KCNQ1: variants seen among roughly 807,000 people sequenced by gnomAD.
KCNQ1 encodes the protein potassium voltage-gated channel subfamily Q member 1.
In KCNQ1, 49 loss-of-function variants were observed where a neutral mutation model predicts 72.4. The ratio of observed to expected loss-of-function variants is 0.68; its 90% CI spans 0.54 to 0.86. The LOEUF is 0.86. Ranked by LOEUF, KCNQ1 falls within the 40% of genes least tolerant of loss-of-function variation. KCNQ1 has a pLI of 0.00. For missense variants in KCNQ1, 790 were observed against 945.1 expected (o/e 0.84, Z 2.15); for synonymous variants, 450 against 412.6 (o/e 1.09, Z -1.10).
Position 2,612,815 on chromosome 11 carries a change from G to C in KCNQ1, c.1393+23961G>C. The C allele has an allele frequency of 2.5e-6, 1 of 398,034 alleles. No homozygotes were observed. Among genetic ancestry groups the C allele is most frequent in the Non-Finnish European group, 4.4e-6 (1 of 225,914 alleles). 24.7% of individuals were successfully genotyped at this position (398,034 alleles called of 1,614,324 possible). Reference sequence around the variant, plus strand: ...TTTCTTTGCATATCTCATTTTTTTTGTTAAAAACTTACTTTAGATAATATA... The same window carrying C: ...TTTCTTTGCATATCTCATTTTTTTTCTTAAAAACTTACTTTAGATAATATA... On this transcript the variant is annotated intron_variant, in intron 10 of 15. Coordinates refer to ENST00000155840, the MANE Select transcript of KCNQ1 (RefSeq NM_000218.3). This position sits in a 1 kb window ranked among gnomAD's most constrained non-coding sequence, Gnocchi z 5.5.
rs1335634626 is a variant in KCNQ1 at position 2,475,087 on chromosome 11, CT to C, written c.386+29606del. ...TCGCAGTGCTAGGCGTCCGACACGT[CT>C]TTCTAATTCCTGAACATTTCCATCA... On this transcript the variant is annotated intron_variant, in intron 1 of 15. Coordinates refer to ENST00000155840, the MANE Select transcript of KCNQ1 (RefSeq NM_000218.3). The surrounding 1 kb of genome is among the most constrained non-coding windows in gnomAD (Gnocchi z 5.8). Among the ~76,000 whole-genome samples, 19 of 152,316 alleles carry C rather than the reference CT, an allele frequency of 1.2e-4. No homozygotes were observed. The East Asian group carries it at 1.7e-3, about 14-fold the overall frequency.
intron 11 of KCNQ1, chr11:2,667,722 C>T (rs1444968807): frequency 1.3e-5 from 5 of 398,608 alleles, no homozygotes; most frequent in South Asian, 1.3e-4. Context: ...AAGCCGTGTC[C>T]CCTTAAGTGA....
chr11:2,550,697 C>T lies in KCNQ1; in HGVS notation c.478-19931C>T, dbSNP rs927552468. On this transcript the variant is annotated intron_variant, in intron 2 of 15. Coordinates refer to ENST00000155840, the MANE Select transcript of KCNQ1 (RefSeq NM_000218.3). This position sits in a 1 kb window ranked among gnomAD's most constrained non-coding sequence, Gnocchi z 6.0. Reference sequence around the variant, plus strand: ...GATGGTGTCCCGGCTGATGTAGGGTCAGGGGCTTCTGGAAGGAGCCTCACA... The same window carrying T: ...GATGGTGTCCCGGCTGATGTAGGGTTAGGGGCTTCTGGAAGGAGCCTCACA... Among the ~76,000 whole-genome samples the T allele has an allele frequency of 2.1e-4, 32 of 152,152 alleles. No individual in the cohort carries two copies. Among genetic ancestry groups the T allele is most frequent in the African/African-American group, 7.7e-4 (32 of 41,414 alleles).
At chr11:2,589,943 C>T (rs754790097) in intron 10 of KCNQ1, among the ~76,000 whole-genome samples, 1 of 152,168 alleles carries the variant, frequency 6.6e-6, no homozygotes, top group Non-Finnish European at 1.5e-5. Context: ...TGGAGACCTC[C>T]TGCCCACTGG....
At chr11:2,551,986 T>TATAAAAA (rs1847989674) in intron 2 of KCNQ1, among the ~76,000 whole-genome samples, 1 of 152,246 alleles carries the variant, frequency 6.6e-6, no homozygotes, top group Non-Finnish European at 1.5e-5. Context: ...GTTCTGGATA[T>TATAAAAA]GAGTCCTTCA....
chr11:2,812,198 C>A (rs533439378), intron 15 of KCNQ1, among the ~76,000 whole-genome samples: 1 of 152,318 alleles, frequency 6.6e-6, no homozygotes, highest in Non-Finnish European at 1.5e-5. Flanking sequence ...ACAGAAACAC[C>A]CCTGAAACTT....
At position 2,445,443 on chromosome 11, in the gene KCNQ1, G is replaced by A. The variant is rs758960211; in HGVS notation, c.345G>A (p.Glu115=). 5.1e-5 allele frequency: 81 copies of A among 1,597,364 alleles called. No homozygotes were observed. The highest frequency in any genetic ancestry group is 6.6e-5 in the Non-Finnish European group (78 of 1,179,628). The part of the protein sequence containing the change: ...HVQGRVYNFL[E]RPTGWKCFVY... The stretch of plus-strand genomic sequence containing the variant: ...AGGGCCGCGTCTACAACTTCCTCGA[G>A]CGTCCCACCGGCTGGAAATGCTTCG... The change falls in exon 1 of 16, where the codon GAG becomes GAA. Residue 115 remains glutamate (E), a synonymous_variant. Coordinates refer to ENST00000155840, the MANE Select transcript of KCNQ1 (RefSeq NM_000218.3).
chr11:2,722,759 T>G (rs1448028246), intron 11 of KCNQ1, among the ~76,000 whole-genome samples: 1 of 152,080 alleles, frequency 6.6e-6, no homozygotes, highest in African/African-American at 2.4e-5. Context: ...AAGCTGCCCC[T>G]AGATAGCTGT....
At chr11:2,631,271 C>A (rs1849348441) in intron 10 of KCNQ1, 2 of 398,478 alleles carry the variant, frequency 5.0e-6, no homozygotes. Context: ...TCCCTTGTTA[C>A]CTTTTCATTC....
Position 2,642,211 on chromosome 11 carries a change from T to G in KCNQ1, c.1394-19750T>G. On this transcript the variant is annotated intron_variant, in intron 10 of 15. Transcript: ENST00000155840. The surrounding 1 kb of genome is among the most constrained non-coding windows in gnomAD (Gnocchi z 4.3). ...TGAATCTGTAGATTGCTTTGGGTAG[T>G]ATGGTCATTTTAATTTTGTTAATTC... 1 of 398,472 alleles carries G rather than the reference T, an allele frequency of 2.5e-6. No individual in the cohort carries two copies. Among genetic ancestry groups the G allele is most frequent in the Non-Finnish European group, 4.4e-6 (1 of 225,976 alleles). 24.7% of individuals were successfully genotyped at this position (398,472 alleles called of 1,614,324 possible). A position where few individuals can be genotyped will look rare whatever the true frequency, so the allele number is the denominator to read the frequency against.
chr11:2,829,263 A>C (rs1413253434), intron 15 of KCNQ1, among the ~76,000 whole-genome samples: 1 of 152,228 alleles, frequency 6.6e-6, no homozygotes, highest in Non-Finnish European at 1.5e-5. Context: ...GCTGCTCAGC[A>C]TGCCTACAGT....
Position 2,809,267 on chromosome 11 carries a change from A to G in KCNQ1, c.1794+31230A>G, listed in dbSNP as rs1847439679. ...AATTCAGATAAATGTTTCTTCACCA[A>G]AAGAGAAATTCATTTCTAAATGTCA... On this transcript the variant is annotated intron_variant, in intron 15 of 15. Coordinates refer to ENST00000155840, the MANE Select transcript of KCNQ1 (RefSeq NM_000218.3). This position sits in a 1 kb window ranked among gnomAD's most constrained non-coding sequence, Gnocchi z 7.1. Among the ~76,000 whole-genome samples, 1 of 152,224 alleles carries G rather than the reference A, an allele frequency of 6.6e-6. No homozygotes were observed. Among genetic ancestry groups the G allele is most frequent in the Non-Finnish European group, 1.5e-5 (1 of 68,050 alleles).
At position 2,587,604 on chromosome 11, in the gene KCNQ1, A is replaced by T. The variant is rs1848610598; in HGVS notation, c.1163A>T (p.Asp388Val). The stretch of plus-strand genomic sequence containing the variant: ...AGGTGCTATGCTGCCGAGAACCCCG[A>T]CTCCTCCACCTGGAAGATCTACATC... ...AWRCYAAENP[D>V]SSTWKIYIRK... The change falls in exon 9 of 16, where the codon GAC becomes GTC. Residue 388 changes from aspartate to valine, a missense_variant. This residue lies in a region of KCNQ1 where 178 missense variants were observed against 177.9 expected (regional missense o/e 1.00). Coordinates refer to ENST00000155840, the MANE Select transcript of KCNQ1 (RefSeq NM_000218.3). The T allele has an allele frequency of 6.2e-7, 1 of 1,613,076 alleles. No homozygotes were observed. Among genetic ancestry groups the T allele is most frequent in the Non-Finnish European group, 8.5e-7 (1 of 1,179,848 alleles).
At chr11:2,616,449 GTTC>G (rs1280095975) in intron 10 of KCNQ1, 1 of 396,838 alleles carries the variant, frequency 2.5e-6, no homozygotes, top group African/African-American at 2.1e-5. Flanking sequence ...GGTTTACTTC[GTTC>G]TTCTTTCTCT....
Position 2,666,970 on chromosome 11 carries a change from G to C in KCNQ1, c.1514+4889G>C. On this transcript the variant is annotated intron_variant, in intron 11 of 15. Coordinates refer to ENST00000155840, the MANE Select transcript of KCNQ1 (RefSeq NM_000218.3). ...CGAGATGCCAAGGAAGCCCTCTGGGGGCCCGCCCGGGAGGGCTGTACAGGG... is the reference window on the plus strand; with the variant it reads ...CGAGATGCCAAGGAAGCCCTCTGGGCGCCCGCCCGGGAGGGCTGTACAGGG... 7.5e-6 allele frequency: 3 copies of C among 398,718 alleles called. No homozygotes were observed. Among genetic ancestry groups the C allele is most frequent in the Non-Finnish European group, 1.3e-5 (3 of 226,140 alleles). 24.7% of individuals were successfully genotyped at this position (398,718 alleles called of 1,614,324 possible). A position where few individuals can be genotyped will look rare whatever the true frequency, so the allele number is the denominator to read the frequency against.
In KCNQ1 at chr11:2,676,311, A is replaced by T. The variant is rs1564854758; in HGVS notation, c.1514+14230A>T. The T allele has an allele frequency of 2.5e-6, 1 of 398,642 alleles. No individual in the cohort carries two copies. Among genetic ancestry groups the T allele is most frequent in the East Asian group, 3.6e-5 (1 of 28,078 alleles). 24.7% of individuals were successfully genotyped at this position (398,642 alleles called of 1,614,324 possible). On this transcript the variant is annotated intron_variant, in intron 11 of 15. Transcript: ENST00000155840. This position sits in a 1 kb window ranked among gnomAD's most constrained non-coding sequence, Gnocchi z 4.2. ...ATACAGACACACGTGTGAACAGGTG[A>T]TGGCTCTGAACAGTGTAGTTGAAGT... is the stretch of plus-strand genomic sequence containing the variant.
At position 2,550,605 on chromosome 11, in the gene KCNQ1, G is replaced by A. The variant is rs1008823292; in HGVS notation, c.478-20023G>A. On this transcript the variant is annotated intron_variant, in intron 2 of 15. Transcript: ENST00000155840. The surrounding 1 kb of genome is among the most constrained non-coding windows in gnomAD (Gnocchi z 6.0). ...TGCCAACACGTGAGCTGAGTGACCG[G>A]AAGAGGGGGCGCCTCCCTGAGCAGG... Among the ~76,000 whole-genome samples, 1 of 152,218 alleles carries A rather than the reference G, an allele frequency of 6.6e-6. No individual in the cohort carries two copies. The highest frequency in any genetic ancestry group is 6.5e-5 in the Admixed American group (1 of 15,288).
rs777314313 is a variant in KCNQ1 at position 2,776,971 on chromosome 11, T to C, written c.1686-15T>C. ...AGGGCCAGGTGTGAACTGGTGTCTG[T>C]GTCCTTCTCTCCAGGCTGGACCAGT... On this transcript the variant is annotated splice_polypyrimidine_tract_variant and intron_variant, in intron 13 of 15. Coordinates refer to ENST00000155840, the MANE Select transcript of KCNQ1 (RefSeq NM_000218.3). 1 of 1,613,892 alleles carries C rather than the reference T, an allele frequency of 6.2e-7. No individual in the cohort carries two copies. The highest frequency in any genetic ancestry group is 1.7e-5 in the Admixed American group (1 of 60,016).
chr11:2,707,634 A>C (rs1440582195), intron 11 of KCNQ1, among the ~76,000 whole-genome samples: 1 of 152,218 alleles, frequency 6.6e-6, no homozygotes, highest in African/African-American at 2.4e-5. Flanking sequence ...TTATCTCCCA[A>C]TTAGTCCTGT....
Sources: allele counts gnomAD v4.1 joint callset (sites outside exome capture counted in the v4.1 genomes callset), GRCh38; gene constraint gnomAD v4.1.1; regional missense constraint gnomAD v4.1.1; non-coding constraint Gnocchi (gnomAD v3.1); transcripts MANE v1.5; gene names NCBI Gene and HGNC (gene_info 2026-07-23, HGNC 2026-07-21).